ALOX5: variants seen among roughly 807,000 people sequenced by gnomAD.
The protein encoded by ALOX5 is polyunsaturated fatty acid 5-lipoxygenase.
In ALOX5, 64 loss-of-function variants were observed where a neutral mutation model predicts 87.9. The observed-to-expected ratio is 0.73, with a 90% CI of 0.60 to 0.90. The LOEUF (loss-of-function observed/expected upper bound fraction) is 0.90, where lower values mean the gene tolerates loss of function less well. ALOX5 is among the 40% of genes least tolerant of loss of function. The pLI, the probability that ALOX5 is intolerant of heterozygous loss-of-function variation, is 0.00. For missense variants in ALOX5, 822 were observed against 907.5 expected (o/e 0.91, Z 1.21); for synonymous variants, 388 against 355.1 (o/e 1.09, Z -1.04).
At chr10:45,435,640 T>C (rs1589043782) in intron 7 of ALOX5, among the ~76,000 whole-genome samples, 1 of 152,234 alleles carries the variant, frequency 6.6e-6, no homozygotes, top group Admixed American at 6.5e-5. Context: ...GTAGTATTCC[T>C]TGGAGTACAT....
At chr10:45,389,259 A>G (rs575945687) in intron 2 of ALOX5, among the ~76,000 whole-genome samples, 6 of 152,354 alleles carry the variant, frequency 3.9e-5, no homozygotes, top group African/African-American at 1.4e-4. Context: ...ACCAGGTTGG[A>G]AAACACTCTG....
chr10:45,432,549 TGAAAAAGG>T (rs1444570628), intron 7 of ALOX5, among the ~76,000 whole-genome samples: 1 of 151,924 alleles, frequency 6.6e-6, no homozygotes, highest in Non-Finnish European at 1.5e-5. Flanking sequence ...TTCAACTCAG[TGAAAAAGG>T]GATATTATTT....
intron 6 of ALOX5, among the ~76,000 whole-genome samples, chr10:45,427,389 G>C (rs906687482): frequency 1.3e-5 from 2 of 152,160 alleles, no homozygotes; most frequent in African/African-American, 4.8e-5. Flanking sequence ...GCCTCCGCGG[G>C]GATAGTCCCC....
intron 2 of ALOX5, among the ~76,000 whole-genome samples, chr10:45,387,250 T>G (rs552811741): frequency 1.3e-5 from 2 of 152,256 alleles, no homozygotes; most frequent in South Asian, 4.1e-4. Flanking sequence ...TGCACTCTTT[T>G]AGAATGGAGC....
intron 2 of ALOX5, among the ~76,000 whole-genome samples, chr10:45,394,524 C>T (rs1840426022): frequency 6.6e-6 from 1 of 152,190 alleles, no homozygotes; most frequent in Non-Finnish European, 1.5e-5. Context: ...CTAGGCAATA[C>T]CATTCAGGAC....
intron 3 of ALOX5, among the ~76,000 whole-genome samples, chr10:45,407,730 G>C (rs561585359): frequency 6.6e-6 from 1 of 152,262 alleles, no homozygotes; most frequent in East Asian, 1.9e-4. Flanking sequence ...AGAGAACATA[G>C]ATAAAGTAAG....
rs531696452 is a variant in ALOX5 at position 45,403,583 on chromosome 10, G to T, written c.431+7647G>T. On this transcript the variant is annotated intron_variant, in intron 3 of 13. Transcript: ENST00000374391. The stretch of plus-strand genomic sequence containing the variant: ...CATTTTTCTGCATGTGTGAGTGTGT[G>T]TGTGCATATATACATATCCATACAT... Among the ~76,000 whole-genome samples the T allele has an allele frequency of 4.4e-4, 67 of 152,274 alleles. No homozygotes were observed. In the South Asian group the frequency reaches 0.014, roughly 31 times the overall value.
At chr10:45,420,676 G>A (rs897746912) in intron 4 of ALOX5, among the ~76,000 whole-genome samples, 1 of 152,258 alleles carries the variant, frequency 6.6e-6, no homozygotes, top group Non-Finnish European at 1.5e-5. Context: ...GAGTAATTCT[G>A]GCACGCAGTT....
intron 2 of ALOX5, among the ~76,000 whole-genome samples, chr10:45,391,671 T>C (rs572640217): frequency 2.2e-3 from 317 of 146,198 alleles, no homozygotes; most frequent in African/African-American, 7.8e-3. Flanking sequence ...TGGCCGCCCA[T>C]CGTCTGGGAT....
chr10:45,394,567 A>C (rs1840428531), intron 2 of ALOX5, among the ~76,000 whole-genome samples: 1 of 152,210 alleles, frequency 6.6e-6, no homozygotes, highest in Admixed American at 6.5e-5. Context: ...TGTCTAAAAC[A>C]CCAAAAGCAA....
chr10:45,378,790 C>G (rs1017134957), intron 1 of ALOX5, among the ~76,000 whole-genome samples: 1 of 152,186 alleles, frequency 6.6e-6, no homozygotes, highest in Admixed American at 6.5e-5. Flanking sequence ...CCTTGTTCAC[C>G]TCTTATCATA....
intron 4 of ALOX5, among the ~76,000 whole-genome samples, chr10:45,417,874 G>T (rs1373971308): frequency 6.6e-6 from 1 of 152,148 alleles, no homozygotes; most frequent in Non-Finnish European, 1.5e-5. Context: ...CATGGGTGAG[G>T]GGCCCCTTCT....
At chr10:45,376,633 C>T (rs1839623558) in intron 1 of ALOX5, among the ~76,000 whole-genome samples, 1 of 152,166 alleles carries the variant, frequency 6.6e-6, no homozygotes, top group Non-Finnish European at 1.5e-5. Context: ...GTAACGATAA[C>T]AATAACAATA....
At chr10:45,402,992 C>T (rs1367799982) in intron 3 of ALOX5, among the ~76,000 whole-genome samples, 1 of 152,182 alleles carries the variant, frequency 6.6e-6, no homozygotes, top group Admixed American at 6.5e-5. Context: ...CAACTGACAA[C>T]ACCTGAGTAT....
intron 4 of ALOX5, among the ~76,000 whole-genome samples, chr10:45,419,615 C>CA (rs1225077944): frequency 6.6e-6 from 1 of 152,266 alleles, no homozygotes; most frequent in Non-Finnish European, 1.5e-5. Context: ...TGCGGAGGCT[C>CA]ACGCCTGTAA....
intron 1 of ALOX5, 63 bp downstream of exon 1, chr10:45,374,492 G>T (rs1180259678): frequency 1.0e-5 from 14 of 1,393,664 alleles, no homozygotes; most frequent in Admixed American, 6.5e-5. Context: ...CGGTTTGGAC[G>T]GCAGAGGCCT....
intron 1 of ALOX5, among the ~76,000 whole-genome samples, chr10:45,378,564 T>G (rs1466018965): frequency 6.6e-6 from 1 of 152,194 alleles, no homozygotes; most frequent in East Asian, 1.9e-4. Flanking sequence ...ATCAGCCCAG[T>G]GTACTTGGCC....
At chr10:45,412,069 CTTTAT>C (rs1317362182) in intron 3 of ALOX5, 117 bp from the exon 4 acceptor site, 6 of 1,429,748 alleles carry the variant, frequency 4.2e-6, no homozygotes, top group Non-Finnish European at 5.7e-6. Context: ...GATGTGTTGA[CTTTAT>C]TTTGAGTACA....
chr10:45,377,173 C>T (rs531333061), intron 1 of ALOX5, among the ~76,000 whole-genome samples: 4 of 152,236 alleles, frequency 2.6e-5, no homozygotes, highest in East Asian at 1.9e-4. Flanking sequence ...ATTCATGCTT[C>T]TTAAGTCAGT....
Sources: gnomAD v4.1 joint callset for allele counts (sites outside exome capture counted in the v4.1 genomes callset) on GRCh38, gnomAD v4.1.1 for gene constraint, MANE v1.5 for transcripts, NCBI Gene and HGNC (gene_info 2026-07-23, HGNC 2026-07-21) for gene names.